The following AGA variants were observed in gnomAD, a reference collection of about 807,000 sequenced individuals.
The protein encoded by AGA is N(4)-(beta-N-acetylglucosaminyl)-L-asparaginase.
A neutral mutation model predicts 40.1 loss-of-function variants in AGA; 31 were observed. The ratio of observed to expected loss-of-function variants is 0.77; its 90% confidence interval spans 0.58 to 1.04. The LOEUF is 1.04. AGA is among the 50% of genes least tolerant of loss of function. AGA has a pLI of 0.00. For missense variants in AGA, 445 were observed against 435.4 expected (o/e 1.02, Z -0.20); for synonymous variants, 148 against 144.0 (o/e 1.03, Z -0.20).
chr4:177,442,044 A>G (rs1180640647), intron 1 of AGA, among the ~76,000 whole-genome samples: 3 of 152,202 alleles, frequency 2.0e-5, no homozygotes, highest in Admixed American at 1.3e-4. Flanking sequence ...CAACAGCGGT[A>G]GGTGGGGAGG....
intron 2 of AGA, chr4:177,439,960 G>A: frequency 1.7e-6 from 1 of 584,486 alleles, no homozygotes; most frequent in South Asian, 2.0e-5. Flanking sequence ...AAAGGGGCCT[G>A]AAGGCTTCAG....
chr4:177,439,721 G>GAA, intron 2 of AGA, 33 bp from the exon 3 acceptor site: 1 of 1,481,574 alleles, frequency 6.7e-7, no homozygotes, highest in Admixed American at 1.7e-5. Flanking sequence ...TAGGAATTAA[G>GAA]GAGTTTTCAG....
At chr4:177,438,096 T>G (rs1226099029) in intron 4 of AGA, among the ~76,000 whole-genome samples, 1 of 152,162 alleles carries the variant, frequency 6.6e-6, no homozygotes. Context: ...CTATTCCTAT[T>G]CCTCATGTCT....
At chr4:177,439,454 ATGT>A (rs1290758299) in intron 3 of AGA, 119 bp downstream of exon 3, 1 of 794,270 alleles carries the variant, frequency 1.3e-6, no homozygotes, top group East Asian at 2.4e-5. Context: ...AGTTCAATAG[ATGT>A]TAAGTAAAAC....
chr4:177,439,142 G>A (rs1028539601), intron 3 of AGA, among the ~76,000 whole-genome samples: 1 of 152,104 alleles, frequency 6.6e-6, no homozygotes, highest in African/African-American at 2.4e-5. Context: ...CAGCACTTTG[G>A]GAGGCTGAGG....
chr4:177,440,173 A>T, intron 2 of AGA, 100 bp downstream of exon 2: 1 of 1,406,998 alleles, frequency 7.1e-7, no homozygotes, highest in Non-Finnish European at 1.0e-6. Context: ...AGGGGTTTTG[A>T]TCTGTGTCAA....
In AGA at chr4:177,442,315, C is replaced by G. The variant is rs778918082; in HGVS notation, c.61G>C (p.Val21Leu). ...LVPFLLCQALVRCSSPLPLVV... is the reference protein window; with the variant it reads ...LVPFLLCQALLRCSSPLPLVV... ...AGGGGCAGAGGGCTGGAGCAGCGCA[C>G]TAGGGCCTGGCAGAGCAGAAACGGC... The change falls in exon 1 of 9, where the codon GTG becomes CTG. Residue 21 changes from valine (V) to leucine (L), a missense_variant. Transcript: ENST00000264595. The G allele has an allele frequency of 6.2e-7, 1 of 1,614,150 alleles. No individual in the cohort carries two copies. The highest frequency in any genetic ancestry group is 8.5e-7 in the Non-Finnish European group (1 of 1,179,964).
intron 7 of AGA, 140 bp downstream of exon 7, chr4:177,434,242 A>G: frequency 1.3e-6 from 1 of 765,572 alleles, no homozygotes; most frequent in South Asian, 1.5e-5. Context: ...ACCTCAGGTG[A>G]TCCACCTGCC....
At position 177,437,152 on chromosome 4, in the gene AGA, TG is replaced by T. The variant is rs145523464; in HGVS notation, c.622+252del. ...TCACTAAAATACAGCAACATAAAAC[TG>T]CCAAAAAATGAAATGTCAAATAAAG... On this transcript the variant is annotated intron_variant, in intron 5 of 8. Transcript: ENST00000264595. The T allele has an allele frequency of 7.2e-3, 3,233 of 448,638 alleles. 60 individuals carry two copies. Among genetic ancestry groups the T allele is most frequent in the Admixed American group, 0.048 (1,257 of 26,122 alleles). The allele number at this position is 448,638 out of a possible 1,614,324, so 27.8% of individuals were successfully genotyped here. A position where few individuals can be genotyped will look rare whatever the true frequency, so the allele number is the denominator to read the frequency against.
chr4:177,439,484 T>C (rs1041340931), intron 3 of AGA, 92 bp downstream of exon 3: 3 of 953,080 alleles, frequency 3.1e-6, no homozygotes, highest in Non-Finnish European at 5.2e-6. Context: ...AATTTGAACT[T>C]AGATCTGGTT....
Position 177,438,738 on chromosome 4 carries a change from T to C in AGA, c.507+7A>G, listed in dbSNP as rs2111017976. On this transcript the variant is annotated splice_region_variant and intron_variant, in intron 4 of 8. Coordinates refer to ENST00000264595, the MANE Select transcript of AGA (RefSeq NM_000027.4). ...AACTTATTTTTTTAAATTAAATGTG[T>C]GCATACCCTCCAATAATTTGGCTGG... 7 of 1,532,820 alleles carry C rather than the reference T, an allele frequency of 4.6e-6. No homozygotes were observed. The highest frequency in any genetic ancestry group is 6.3e-6 in the Non-Finnish European group (7 of 1,105,968). The allele number at this position is 1,532,820 out of a possible 1,614,324, so 95.0% of individuals were successfully genotyped here.
chr4:177,432,727 A>G (rs1736670468), intron 8 of AGA, among the ~76,000 whole-genome samples: 1 of 152,220 alleles, frequency 6.6e-6, no homozygotes, highest in Admixed American at 6.5e-5. Flanking sequence ...AAATGAAGTG[A>G]AAGACAAGCC....
Position 177,431,788 on chromosome 4 carries a change from A to C in AGA, c.961T>G (p.Ser321Ala), listed in dbSNP as rs777495746. 4 of 1,613,838 alleles carry C rather than the reference A, an allele frequency of 2.5e-6. No homozygotes were observed. Among genetic ancestry groups the C allele is most frequent in the Non-Finnish European group, 3.4e-6 (4 of 1,179,820 alleles). ...ATGAAACTAAACTGAGTAAATGTTG[A>C]AAGTTTATTGCAAGCAGCACCTGGG... is the stretch of plus-strand genomic sequence containing the variant. Reference protein sequence around the residue: ...GSYGAACNKLSTFTQFSFMVY... With the variant: ...GSYGAACNKLATFTQFSFMVY... Residue 321 changes from serine (S) to alanine (A), a missense_variant, in exon 9 of 9, where the codon TCA becomes GCA. Coordinates refer to ENST00000264595, the MANE Select transcript of AGA (RefSeq NM_000027.4).
Position 177,431,243 on chromosome 4 carries a change from A to C in AGA, c.*465T>G, listed in dbSNP as rs1736620635. Reference sequence around the variant, plus strand: ...TAGGGAATATTAAGTAAAACCAATAATCAGTGCTAAGACATGCATCACTGT... The same window carrying C: ...TAGGGAATATTAAGTAAAACCAATACTCAGTGCTAAGACATGCATCACTGT... On this transcript the variant is annotated 3_prime_UTR_variant, in exon 9 of 9. Transcript: ENST00000264595. 2 of 441,120 alleles carry C rather than the reference A, an allele frequency of 4.5e-6. No individual in the cohort carries two copies. Among genetic ancestry groups the C allele is most frequent in the Non-Finnish European group, 9.0e-6 (2 of 222,958 alleles). The allele number at this position is 441,120 out of a possible 1,614,324, so 27.3% of individuals were successfully genotyped here. A position where few individuals can be genotyped will look rare whatever the true frequency, so the allele number is the denominator to read the frequency against.
intron 3 of AGA, 150 bp from the exon 4 acceptor site, chr4:177,439,007 A>T (rs1388060048): frequency 1.4e-6 from 1 of 702,372 alleles, no homozygotes; most frequent in Non-Finnish European, 2.6e-6. Context: ...CAGTTTTAAG[A>T]GACTCAATTT....
intron 2 of AGA, 53 bp from the exon 3 acceptor site, chr4:177,439,741 G>T: frequency 7.6e-7 from 1 of 1,314,044 alleles, no homozygotes; most frequent in Non-Finnish European, 1.1e-6. Flanking sequence ...GAGGTTCATA[G>T]ATTAAAAACA....
intron 7 of AGA, among the ~76,000 whole-genome samples, chr4:177,433,798 A>G (rs533656596): frequency 3.3e-5 from 5 of 152,270 alleles, no homozygotes; most frequent in African/African-American, 9.6e-5. Context: ...CAGTAGCTTT[A>G]CATCAATTAC....
At chr4:177,432,153 C>T (rs1736654875) in intron 8 of AGA, among the ~76,000 whole-genome samples, 2 of 152,158 alleles carry the variant, frequency 1.3e-5, no homozygotes, top group African/African-American at 4.8e-5. Context: ...ATTTCTCTAG[C>T]CACTAGAACA....
rs121964907 is a variant in AGA, at chr4:177,440,375, C to T, written c.179G>A (p.Gly60Asp). 1 of 1,614,076 alleles carries T rather than the reference C, an allele frequency of 6.2e-7. No individual in the cohort carries two copies. Among genetic ancestry groups the T allele is most frequent in the Non-Finnish European group, 8.5e-7 (1 of 1,180,032 alleles). The change falls in exon 2 of 9, where the codon GGC becomes GAC. Residue 60 changes from glycine (G) to aspartate (D), a missense_variant. By Grantham distance (94) the Gly-to-Asp change is moderately conservative. Coordinates refer to ENST00000264595, the MANE Select transcript of AGA (RefSeq NM_000027.4). Reference sequence around the variant, plus strand: ...CTGCTCTCTCTCACACATGGCACAGCCGCTCTCCACTGCATCCAGGGCAGA... The same window carrying T: ...CTGCTCTCTCTCACACATGGCACAGTCGCTCTCCACTGCATCCAGGGCAGA... ...GGSALDAVES[G>D]CAMCEREQCD... is the part of the protein sequence containing the mutation.
Sources: allele counts gnomAD v4.1 joint callset (sites outside exome capture counted in the v4.1 genomes callset), GRCh38; gene constraint gnomAD v4.1.1; transcripts MANE v1.5; gene names NCBI Gene and HGNC (gene_info 2026-07-23, HGNC 2026-07-21).